Variants in KANSL1 observed in about 807,000 individuals in gnomAD.
KANSL1 encodes KAT8 regulatory NSL complex subunit 1, also known as MLL1/MLL complex subunit KANSL1.
A neutral mutation model predicts 103.6 loss-of-function variants in KANSL1; 22 were observed. The ratio of observed to expected loss-of-function variants is 0.21; its 90% CI spans 0.15 to 0.30. The LOEUF (loss-of-function observed/expected upper bound fraction) is 0.30. Among genes scored for constraint, KANSL1 ranks in the 10% least tolerant of loss-of-function variants. KANSL1 has a pLI of 1.00. For missense variants in KANSL1, 1,337 were observed against 1,399.8 expected, an observed-to-expected ratio of 0.96 and a Z score of 0.72; for synonymous variants, 600 against 527.6, an observed-to-expected ratio of 1.14 and a Z score of -1.88.
At chr17:46,087,480 A>T (rs893406091) in intron 3 of KANSL1, among the ~76,000 whole-genome samples, 1 of 152,238 alleles carries the variant, frequency 6.6e-6, no homozygotes, top group Non-Finnish European at 1.5e-5. Context: ...AGTGGCTACC[A>T]CGTGCAAGGT....
chr17:46,124,600 T>C (rs1393271551), intron 2 of KANSL1, among the ~76,000 whole-genome samples: 1 of 152,230 alleles, frequency 6.6e-6, no homozygotes, highest in Non-Finnish European at 1.5e-5. Flanking sequence ...CTGATGAATC[T>C]GGGCAAAGTA....
intron 6 of KANSL1, among the ~76,000 whole-genome samples, chr17:46,060,972 C>T (rs1179566095): frequency 1.3e-5 from 2 of 152,138 alleles, no homozygotes; most frequent in East Asian, 3.8e-4. Context: ...TGCCAGTACA[C>T]TGCCAATTTG....
chr17:46,184,994 C>G (rs965570923), intron 1 of KANSL1, among the ~76,000 whole-genome samples: 1 of 152,098 alleles, frequency 6.6e-6, no homozygotes. Flanking sequence ...CACCCGCCAC[C>G]ACATCTAGCT....
chr17:46,106,264 C>A lies in KANSL1; in HGVS notation c.1290-11563G>T, dbSNP rs142966649. Among the ~76,000 whole-genome samples, 59 of 152,344 alleles carry A rather than the reference C, an allele frequency of 3.9e-4. 3 individuals carry two copies. In the East Asian group the frequency reaches 0.011, roughly 29 times the overall value. On this transcript the variant is annotated intron_variant, in intron 2 of 14. Coordinates refer to ENST00000432791, the MANE Select transcript of KANSL1 (RefSeq NM_015443.4). Reference sequence around the variant, plus strand: ...GAGAAATCAAACAAGTTCCAACGCACAATCTCCAGGAATAATGCTCCAACT... The same window carrying A: ...GAGAAATCAAACAAGTTCCAACGCAAAATCTCCAGGAATAATGCTCCAACT...
At chr17:46,189,751 G>A (rs2047217032) in intron 1 of KANSL1, among the ~76,000 whole-genome samples, 1 of 152,004 alleles carries the variant, frequency 6.6e-6, no homozygotes, top group Non-Finnish European at 1.5e-5. Context: ...TGGGCATGGT[G>A]GCACACGCCT....
intron 2 of KANSL1, among the ~76,000 whole-genome samples, chr17:46,131,143 A>C (rs1466641540): frequency 6.6e-6 from 1 of 152,230 alleles, no homozygotes; most frequent in Admixed American, 6.5e-5. Flanking sequence ...AATTCTATCT[A>C]TGATCAAGGA....
rs113939030 is a variant in KANSL1, at chr17:46,031,908, TGAG to T, written c.3090+136_3090+138del. 195 of 1,244,348 alleles carry T rather than the reference TGAG, an allele frequency of 1.6e-4. No homozygotes were observed. In the African/African-American group the frequency reaches 2.5e-3, roughly 16 times the overall value. The allele number at this position is 1,244,348 out of a possible 1,614,324, so 77.1% of individuals were successfully genotyped here. On this transcript the variant is annotated intron_variant, in intron 14 of 14. Transcript: ENST00000432791. ...TGATCAATACAGTTCCACTGAACGT[TGAG>T]GAGATCAATTTAAGTGCAGCCCTTT...
chr17:46,179,492 G>A (rs1192515947), intron 1 of KANSL1, among the ~76,000 whole-genome samples: 4 of 152,210 alleles, frequency 2.6e-5, no homozygotes, highest in Non-Finnish European at 1.5e-5. Flanking sequence ...GCAAAAATCA[G>A]ATGGGGAAGA....
intron 2 of KANSL1, among the ~76,000 whole-genome samples, chr17:46,112,266 G>T (rs2042842641): frequency 6.6e-6 from 1 of 151,108 alleles, no homozygotes; most frequent in Non-Finnish European, 1.5e-5. Flanking sequence ...TACTCAGGAG[G>T]CTGAGGTAAG....
At chr17:46,081,809 T>A (rs2078998439) in intron 4 of KANSL1, among the ~76,000 whole-genome samples, 1 of 152,160 alleles carries the variant, frequency 6.6e-6, no homozygotes, top group African/African-American at 2.4e-5. Flanking sequence ...TCTAATTAAG[T>A]TATGGAGACT....
intron 3 of KANSL1, among the ~76,000 whole-genome samples, chr17:46,086,097 T>C (rs895868322): frequency 6.6e-5 from 10 of 152,344 alleles, no homozygotes; most frequent in African/African-American, 2.4e-4. Context: ...TTTATAATAA[T>C]TATAGCCAGA....
At chr17:46,138,940 A>G (rs1186655589) in intron 2 of KANSL1, among the ~76,000 whole-genome samples, 1 of 152,242 alleles carries the variant, frequency 6.6e-6, no homozygotes, top group Non-Finnish European at 1.5e-5. Flanking sequence ...CATTAAACCT[A>G]TTCTCACTCA....
At chr17:46,196,350 T>C, upstream of KANSL1, 1 of 456,358 alleles carries the variant, frequency 2.2e-6, no homozygotes, top group Non-Finnish European at 4.4e-6. Flanking sequence ...CCCATTCTCT[T>C]TGCCAATGAT....
intron 2 of KANSL1, among the ~76,000 whole-genome samples, chr17:46,095,819 G>T (rs1276918077): frequency 6.6e-6 from 1 of 152,014 alleles, no homozygotes; most frequent in Non-Finnish European, 1.5e-5. Flanking sequence ...AGAACTCTCA[G>T]AAATAGGATA....
chr17:46,137,102 T>C (rs940865706), intron 2 of KANSL1, among the ~76,000 whole-genome samples: 1 of 150,458 alleles, frequency 6.6e-6, no homozygotes, highest in African/African-American at 2.5e-5. Flanking sequence ...ACTAAGAGCA[T>C]CAAATCCTTC....
chr17:46,180,976 G>C (rs1413485734), intron 1 of KANSL1, among the ~76,000 whole-genome samples: 2 of 152,178 alleles, frequency 1.3e-5, no homozygotes, highest in Admixed American at 1.3e-4. Flanking sequence ...GATCAGTTGG[G>C]TAGGATGGAT....
rs575981856 is a variant in KANSL1 at position 46,096,897 on chromosome 17, G to A, written c.1290-2196C>T. Among the ~76,000 whole-genome samples, 4 of 152,240 alleles carry A rather than the reference G, an allele frequency of 2.6e-5. No homozygotes were observed. The East Asian group carries it at 5.8e-4, about 22-fold the overall frequency. The stretch of plus-strand genomic sequence containing the variant: ...CTCCCAAAGTGCTGGGATTACAGGC[G>A]TGAGCCACTGAGCCTAGCCCCACTG... On this transcript the variant is annotated intron_variant, in intron 2 of 14. Transcript: ENST00000432791.
chr17:46,100,973 A>C (rs16940893), intron 2 of KANSL1, among the ~76,000 whole-genome samples: 5,067 of 152,310 alleles, frequency 0.033, 149 homozygotes, highest in East Asian at 0.15. Context: ...GTTCACAGTG[A>C]GCTACACAGT....
At chr17:46,104,582 C>A (rs2042451072) in intron 2 of KANSL1, among the ~76,000 whole-genome samples, 1 of 152,154 alleles carries the variant, frequency 6.6e-6, no homozygotes, top group Non-Finnish European at 1.5e-5. Flanking sequence ...ATGTAGTTTA[C>A]AAGTAAATTT....
Sources: gnomAD v4.1 joint callset for allele counts (sites outside exome capture counted in the v4.1 genomes callset) on GRCh38, gnomAD v4.1.1 for gene constraint, MANE v1.5 for transcripts, NCBI Gene and HGNC (gene_info 2026-07-23, HGNC 2026-07-21) for gene names.